NIBAN1: variants seen among roughly 807,000 people sequenced by gnomAD.
The protein encoded by NIBAN1 is niban apoptosis regulator 1.
NIBAN1 carries 81 observed loss-of-function variants against 75.1 expected under a neutral mutation model. The ratio of observed to expected loss-of-function variants is 1.08; its 90% CI spans 0.90 to 1.30. NIBAN1 has a LOEUF of 1.30. NIBAN1 is among the 50% of genes most tolerant of loss of function. The pLI is 0.00. For synonymous variants in NIBAN1, 436 were observed against 424.8 expected (o/e 1.03, Z -0.32); for missense variants, 1,133 against 1,128.1 (o/e 1.00, Z -0.06).
chr1:184,894,012 A>T lies in NIBAN1; in HGVS notation c.318+63T>A, dbSNP rs1294629737. ...CCTTGTAGGAAGGAGAGGGCACACC[A>T]ATCAACCGAGCCAAACTTTTAAGAA... is the stretch of plus-strand genomic sequence containing the variant. On this transcript the variant is annotated intron_variant, in intron 3 of 13. Coordinates refer to ENST00000367511, the MANE Select transcript of NIBAN1 (RefSeq NM_052966.4). 5 of 1,506,604 alleles carry T rather than the reference A, an allele frequency of 3.3e-6. No homozygotes were observed. The East Asian group carries it at 1.2e-4, about 36-fold the overall frequency. The allele number at this position is 1,506,604 out of a possible 1,614,324, so 93.3% of individuals were successfully genotyped here.
chr1:184,967,563 T>C (rs1401496137), intron 1 of NIBAN1, among the ~76,000 whole-genome samples: 1 of 152,218 alleles, frequency 6.6e-6, no homozygotes, highest in African/African-American at 2.4e-5. Flanking sequence ...CTCCTGCTAT[T>C]GCACTTTCTA....
At chr1:184,962,771 G>C (rs1317129572) in intron 1 of NIBAN1, among the ~76,000 whole-genome samples, 1 of 152,088 alleles carries the variant, frequency 6.6e-6, no homozygotes, top group Non-Finnish European at 1.5e-5. Flanking sequence ...AATTACAATG[G>C]GATTTGTGAG....
At chr1:184,818,050 G>A (rs1284684431) in intron 9 of NIBAN1, among the ~76,000 whole-genome samples, 1 of 152,100 alleles carries the variant, frequency 6.6e-6, no homozygotes, top group Non-Finnish European at 1.5e-5. Flanking sequence ...GAGTGTCTGT[G>A]AATCTGTTGT....
chr1:184,922,442 G>A (rs1313462712), intron 1 of NIBAN1, among the ~76,000 whole-genome samples: 1 of 151,688 alleles, frequency 6.6e-6, no homozygotes, highest in Non-Finnish European at 1.5e-5. Context: ...CTCTACCTCC[G>A]TGAGTTCAAT....
intron 1 of NIBAN1, among the ~76,000 whole-genome samples, chr1:184,913,156 A>T (rs1011609437): frequency 8.9e-5 from 13 of 146,496 alleles, no homozygotes; most frequent in South Asian, 2.1e-4. Context: ...TATATATATT[A>T]TATATATATG....
chr1:184,859,550 T>C (rs951795402), intron 5 of NIBAN1, among the ~76,000 whole-genome samples: 1 of 152,150 alleles, frequency 6.6e-6, no homozygotes, highest in Non-Finnish European at 1.5e-5. Flanking sequence ...ATTTCCCCAG[T>C]AACCATGTAG....
chr1:184,840,319 T>G (rs974859536), intron 5 of NIBAN1, among the ~76,000 whole-genome samples: 4 of 152,094 alleles, frequency 2.6e-5, no homozygotes, highest in African/African-American at 9.7e-5. Context: ...ACTGACCAAA[T>G]CATATCTGTA....
Position 184,806,071 on chromosome 1 carries a change from C to T in NIBAN1, c.1336-15G>A, listed in dbSNP as rs752281709. On this transcript the variant is annotated splice_polypyrimidine_tract_variant and intron_variant, in intron 10 of 13. Transcript: ENST00000367511. ...TTCTCCATTAGCTAGAAACCAGAAG[C>T]GACACAGAAACAGACAACAGTCAGG... 3 of 1,606,348 alleles carry T rather than the reference C, an allele frequency of 1.9e-6. No homozygotes were observed. Among genetic ancestry groups the T allele is most frequent in the Middle Eastern group, 1.7e-4 (1 of 6,052 alleles).
intron 11 of NIBAN1, among the ~76,000 whole-genome samples, chr1:184,805,161 T>C (rs1439870454): frequency 6.6e-6 from 1 of 152,204 alleles, no homozygotes; most frequent in Non-Finnish European, 1.5e-5. Flanking sequence ...AGATCAAGTC[T>C]GAAATTCAGA....
At chr1:184,970,511 C>G (rs1282678903) in intron 1 of NIBAN1, among the ~76,000 whole-genome samples, 1 of 152,190 alleles carries the variant, frequency 6.6e-6, no homozygotes, top group Non-Finnish European at 1.5e-5. Flanking sequence ...ATCTAGCCAC[C>G]TAAGTTAACC....
intron 13 of NIBAN1, among the ~76,000 whole-genome samples, chr1:184,796,939 C>T (rs1434999632): frequency 6.6e-6 from 1 of 152,130 alleles, no homozygotes; most frequent in African/African-American, 2.4e-5. Flanking sequence ...TGGCCTTGAC[C>T]GAGCCCTTCC....
intron 5 of NIBAN1, among the ~76,000 whole-genome samples, chr1:184,871,341 C>T (rs112415166): frequency 2.4e-5 from 2 of 82,174 alleles, no homozygotes; most frequent in Non-Finnish European, 4.4e-5. Flanking sequence ...GATCAAAACT[C>T]TATCTCAAAA....
chr1:184,835,359 G>GT (rs1436427241), intron 5 of NIBAN1, among the ~76,000 whole-genome samples: 1 of 152,148 alleles, frequency 6.6e-6, no homozygotes, highest in South Asian at 2.1e-4. Flanking sequence ...CTTTAAAGTA[G>GT]TTTTTTTCCA....
intron 1 of NIBAN1, among the ~76,000 whole-genome samples, chr1:184,971,069 T>G (rs1167188390): frequency 6.8e-6 from 1 of 146,736 alleles, no homozygotes; most frequent in East Asian, 2.1e-4. Context: ...GAAGACTGCT[T>G]GAGCCCAGAA....
intron 1 of NIBAN1, among the ~76,000 whole-genome samples, chr1:184,925,659 C>T (rs1259462255): frequency 1.3e-5 from 2 of 151,778 alleles, no homozygotes; most frequent in African/African-American, 2.4e-5. Context: ...GACAACTTAA[C>T]ACTGATTGCA....
intron 5 of NIBAN1, among the ~76,000 whole-genome samples, chr1:184,842,528 C>T (rs575791462): frequency 6.6e-6 from 1 of 152,116 alleles, no homozygotes; most frequent in East Asian, 1.9e-4. Context: ...CCGAGGCAGG[C>T]GGATTACCTG....
At chr1:184,901,629 T>C (rs537091148) in intron 1 of NIBAN1, among the ~76,000 whole-genome samples, 55 of 152,348 alleles carry the variant, frequency 3.6e-4, no homozygotes, top group African/African-American at 1.2e-3. Context: ...TTCTAATGTT[T>C]ATTTTTGTAC....
At chr1:184,808,295 A>G (rs1654266800) in intron 9 of NIBAN1, 60 bp from the exon 10 acceptor site, 2 of 1,502,626 alleles carry the variant, frequency 1.3e-6, no homozygotes, top group Non-Finnish European at 1.8e-6. Flanking sequence ...TATTGCATAT[A>G]TATTGCATAT....
chr1:184,800,150 G>A (rs1653995270), intron 12 of NIBAN1, among the ~76,000 whole-genome samples: 2 of 151,134 alleles, frequency 1.3e-5, no homozygotes, highest in South Asian at 4.2e-4. Context: ...TTTTTTGGCT[G>A]CATAAATGTC....
Sources: gnomAD v4.1 joint callset for allele counts (sites outside exome capture counted in the v4.1 genomes callset) on GRCh38, gnomAD v4.1.1 for gene constraint, MANE v1.5 for transcripts, NCBI Gene and HGNC (gene_info 2026-07-23, HGNC 2026-07-21) for gene names.